Variants in KCNMA1 observed in about 807,000 individuals in gnomAD.
KCNMA1 encodes potassium calcium-activated channel subfamily M alpha 1.
A neutral mutation model predicts 140.0 loss-of-function variants in KCNMA1; 29 were observed. That is an observed-to-expected ratio of 0.21 (90% CI 0.15 to 0.28). KCNMA1 has a LOEUF of 0.28. Among genes scored for constraint, KCNMA1 ranks in the 10% least tolerant of loss-of-function variants. The pLI, the probability that KCNMA1 is intolerant of heterozygous loss-of-function variation, is 1.00. For synonymous variants in KCNMA1, 612 were observed against 611.9 expected (o/e 1.00, Z 0.00); for missense variants, 880 against 1,602.2 (o/e 0.55, Z 7.70).
intron 1 of KCNMA1, chr10:77,634,770 A>G: frequency 3.8e-6 from 1 of 263,132 alleles, no homozygotes; most frequent in Non-Finnish European, 5.4e-6. Context: ...AGAAAAAAGA[A>G]AAAAAGACAA....
At chr10:77,387,604 T>G (rs2095658848) in intron 2 of KCNMA1, among the ~76,000 whole-genome samples, 1 of 150,178 alleles carries the variant, frequency 6.7e-6, no homozygotes, top group African/African-American at 2.5e-5. Context: ...TTTCTTTTCT[T>G]TTCTTTCTTT....
chr10:77,153,098 G>T (rs2098443538), intron 5 of KCNMA1, among the ~76,000 whole-genome samples: 1 of 152,174 alleles, frequency 6.6e-6, no homozygotes, highest in African/African-American at 2.4e-5. Flanking sequence ...TTAGCATATG[G>T]AAGGCTCTGA....
chr10:77,088,310 A>T (rs1442644961), intron 10 of KCNMA1, among the ~76,000 whole-genome samples: 1 of 152,178 alleles, frequency 6.6e-6, no homozygotes, highest in Admixed American at 6.5e-5. Flanking sequence ...ATAGGCAGGT[A>T]TGTTATTAAC....
At chr10:77,551,452 T>C (rs2062824476) in intron 1 of KCNMA1, among the ~76,000 whole-genome samples, 1 of 152,144 alleles carries the variant, frequency 6.6e-6, no homozygotes, top group African/African-American at 2.4e-5. Context: ...ATTTTACTGA[T>C]GAGAAAACTC....
Position 76,885,373 on chromosome 10 carries a change from A to T in KCNMA1, c.*1893T>A. 1 of 984,954 alleles carries T rather than the reference A, an allele frequency of 1.0e-6. No homozygotes were observed. 61.0% of individuals were successfully genotyped at this position (984,954 alleles called of 1,614,324 possible). A position where few individuals can be genotyped will look rare whatever the true frequency, so the allele number is the denominator to read the frequency against. On this transcript the variant is annotated 3_prime_UTR_variant, in exon 28 of 28. Coordinates refer to ENST00000286628, the MANE Select transcript of KCNMA1 (RefSeq NM_001161352.2). Reference sequence around the variant, plus strand: ...CTTGATAATTTACATGTATACAATTATTCCCCACCACAATACTGGTTTGAA... The same window carrying T: ...CTTGATAATTTACATGTATACAATTTTTCCCCACCACAATACTGGTTTGAA...
intron 23 of KCNMA1, among the ~76,000 whole-genome samples, chr10:76,938,918 C>T (rs183180652): frequency 1.3e-5 from 2 of 152,220 alleles, no homozygotes; most frequent in East Asian, 3.9e-4. Context: ...TTTGATGACT[C>T]CCCCAAATCC....
chr10:77,232,534 G>A (rs2053955163), intron 3 of KCNMA1, among the ~76,000 whole-genome samples: 1 of 152,118 alleles, frequency 6.6e-6, no homozygotes, highest in Non-Finnish European at 1.5e-5. Context: ...CTTTTCATGT[G>A]CTTCTTGACT....
intron 5 of KCNMA1, among the ~76,000 whole-genome samples, chr10:77,136,904 C>T (rs1407775931): frequency 2.0e-5 from 3 of 152,158 alleles, no homozygotes; most frequent in Non-Finnish European, 4.4e-5. Context: ...GATTCAGTCA[C>T]ATGAGACCAT....
chr10:77,296,418 G>GT (rs1250979149), intron 2 of KCNMA1, among the ~76,000 whole-genome samples: 1 of 152,154 alleles, frequency 6.6e-6, no homozygotes, highest in East Asian at 1.9e-4. Context: ...CCCCAAATCT[G>GT]TAAGACAATA....
At chr10:76,959,847 G>T (rs994230401) in intron 20 of KCNMA1, among the ~76,000 whole-genome samples, 2 of 152,160 alleles carry the variant, frequency 1.3e-5, no homozygotes, top group Admixed American at 1.3e-4. Flanking sequence ...TTTATGATTT[G>T]CTACTCACAA....
chr10:77,500,968 C>A (rs544843330), intron 1 of KCNMA1, among the ~76,000 whole-genome samples: 190 of 152,322 alleles, frequency 1.2e-3, no homozygotes, highest in African/African-American at 4.4e-3. Context: ...CACACATTCT[C>A]AGACCTATCG....
intron 23 of KCNMA1, among the ~76,000 whole-genome samples, chr10:76,944,530 A>G (rs1357758177): frequency 6.6e-6 from 1 of 152,136 alleles, no homozygotes; most frequent in Non-Finnish European, 1.5e-5. Context: ...TGGCTATTTA[A>G]AGGCTTGTTT....
intron 15 of KCNMA1, among the ~76,000 whole-genome samples, chr10:77,029,173 TAAAC>T (rs759583470): frequency 2.1e-4 from 32 of 152,330 alleles, no homozygotes; most frequent in Admixed American, 4.6e-4. Flanking sequence ...AAAGCTCACA[TAAAC>T]AAAATAATTA....
intron 2 of KCNMA1, among the ~76,000 whole-genome samples, chr10:77,353,604 A>G (rs551710252): frequency 2.0e-4 from 31 of 152,078 alleles, no homozygotes; most frequent in South Asian, 1.7e-3. Context: ...TATAATATAT[A>G]CATATATAAT....
At chr10:77,448,132 G>C (rs2097562782) in intron 1 of KCNMA1, among the ~76,000 whole-genome samples, 1 of 151,892 alleles carries the variant, frequency 6.6e-6, no homozygotes, top group Non-Finnish European at 1.5e-5. Flanking sequence ...CTCATAAAGG[G>C]GTGAAAAGAC....
intron 3 of KCNMA1, among the ~76,000 whole-genome samples, chr10:77,206,407 A>T (rs2154166182): frequency 6.6e-6 from 1 of 152,326 alleles, no homozygotes; most frequent in South Asian, 2.1e-4. Flanking sequence ...GAGTTAAAAC[A>T]GGACAAGGGC....
At chr10:77,258,498 C>T (rs2061289453) in intron 2 of KCNMA1, among the ~76,000 whole-genome samples, 1 of 152,192 alleles carries the variant, frequency 6.6e-6, no homozygotes, top group Non-Finnish European at 1.5e-5. Flanking sequence ...CTCTCCTTGC[C>T]TCTGTGAGCT....
At chr10:77,494,804 G>A (rs189691456) in intron 1 of KCNMA1, among the ~76,000 whole-genome samples, 5 of 152,218 alleles carry the variant, frequency 3.3e-5, no homozygotes, top group South Asian at 2.1e-4. Context: ...TGGAGATGTC[G>A]TTGGGGTCAG....
At chr10:76,929,902 G>C (rs1591033286) in intron 23 of KCNMA1, 2 of 135,994 alleles carry the variant, frequency 1.5e-5, no homozygotes. Flanking sequence ...TCTATTCAAT[G>C]AATAATGATG....
Sources: gnomAD v4.1 joint callset for allele counts (sites outside exome capture counted in the v4.1 genomes callset) on GRCh38, gnomAD v4.1.1 for gene constraint, MANE v1.5 for transcripts, NCBI Gene and HGNC (gene_info 2026-07-23, HGNC 2026-07-21) for gene names.